AFF1: variants seen among roughly 807,000 people sequenced by gnomAD.
AFF1 encodes the protein AF4/FMR2 family member 1.
Under a neutral mutation model 121.7 loss-of-function variants are expected in AFF1, and 48 were observed. The ratio of observed to expected loss-of-function variants is 0.39; its 90% confidence interval spans 0.31 to 0.50. The LOEUF (loss-of-function observed/expected upper bound fraction) is 0.50, where lower values mean the gene tolerates loss of function less well. Ranked by LOEUF, AFF1 falls within the 20% of genes least tolerant of loss-of-function variation. The probability of loss-of-function intolerance (pLI) is 0.76; values close to 1 mark genes in which losing one functional copy is unlikely to be tolerated. For missense variants in AFF1, 1,523 were observed against 1,511.7 expected (o/e 1.01, Z -0.12); for synonymous variants, 613 against 563.0 (o/e 1.09, Z -1.26).
At chr4:87,040,475 G>A (rs1730020565) in intron 2 of AFF1, among the ~76,000 whole-genome samples, 1 of 152,100 alleles carries the variant, frequency 6.6e-6, no homozygotes, top group Non-Finnish European at 1.5e-5. Flanking sequence ...AGCTTTGCTA[G>A]CAGAACTGTG....
intron 4 of AFF1, chr4:87,047,827 G>T (rs58633957): frequency 0.28 from 182,865 of 643,118 alleles, 31,376 homozygotes; most frequent in African/African-American, 0.64. Flanking sequence ...ACCTTTTTAT[G>T]GAGCCAAAAT....
intron 11 of AFF1, among the ~76,000 whole-genome samples, chr4:87,109,991 A>T (rs770706932): frequency 1.4e-4 from 22 of 152,176 alleles, no homozygotes; most frequent in Admixed American, 3.3e-4. Flanking sequence ...ATTTAACTAC[A>T]TCTCTTTCCT....
At chr4:86,973,186 G>A (rs1195462604) in intron 2 of AFF1, among the ~76,000 whole-genome samples, 14 of 152,170 alleles carry the variant, frequency 9.2e-5, no homozygotes, top group Admixed American at 9.2e-4. Flanking sequence ...TTCACTTGGG[G>A]CCTGTTGATC....
At chr4:86,987,013 ATAT>A (rs889365680) in intron 2 of AFF1, among the ~76,000 whole-genome samples, 10 of 151,602 alleles carry the variant, frequency 6.6e-5, no homozygotes, top group Admixed American at 6.6e-4. Context: ...AGCTAATTTC[ATAT>A]TATTTTTTGT....
Position 87,002,817 on chromosome 4 carries a change from C to T in AFF1, c.39-43349C>T, listed in dbSNP as rs77014665. On this transcript the variant is annotated intron_variant, in intron 2 of 20. Coordinates refer to ENST00000395146, the MANE Select transcript of AFF1 (RefSeq NM_001166693.3). ...TTAACCTGAAATCTGCGGAGCCTCA[C>T]GTGCTTCCTAAGTGGGTTTCAGGGG... Among the ~76,000 whole-genome samples, 623 of 152,264 alleles carry T rather than the reference C, an allele frequency of 4.1e-3. 3 individuals are homozygous for T. The highest frequency in any genetic ancestry group is 0.014 in the African/African-American group (593 of 41,528).
At chr4:86,998,438 A>G (rs1725416419) in intron 2 of AFF1, among the ~76,000 whole-genome samples, 2 of 152,240 alleles carry the variant, frequency 1.3e-5, no homozygotes, top group Non-Finnish European at 2.9e-5. Context: ...CTACAAAAAC[A>G]GGTGTGTGTT....
chr4:86,984,164 CAG>C (rs1239882055), intron 2 of AFF1, among the ~76,000 whole-genome samples: 4 of 152,078 alleles, frequency 2.6e-5, no homozygotes, highest in African/African-American at 7.2e-5. Context: ...AGCATTTTGA[CAG>C]AAATTTGTAA....
chr4:87,073,758 G>T (rs970451940), intron 4 of AFF1, among the ~76,000 whole-genome samples: 1 of 152,096 alleles, frequency 6.6e-6, no homozygotes, highest in South Asian at 2.1e-4. Context: ...CTTATGCTCA[G>T]CTGTGAAAAA....
At chr4:87,006,956 G>A in intron 2 of AFF1, 1 of 1,033,320 alleles carries the variant, frequency 9.7e-7, no homozygotes, top group Non-Finnish European at 1.2e-6. Context: ...GGGGTATCCC[G>A]GCGGACTCGG....
rs988634203 is a variant in AFF1 at position 87,137,194 on chromosome 4, A to G, written c.*1493A>G. 8 of 227,492 alleles carry G rather than the reference A, an allele frequency of 3.5e-5. No homozygotes were observed. Among genetic ancestry groups the G allele is most frequent in the Non-Finnish European group, 7.0e-5 (8 of 114,238 alleles). The allele number at this position is 227,492 out of a possible 1,614,324, so 14.1% of individuals were successfully genotyped here. On this transcript the variant is annotated 3_prime_UTR_variant, in exon 21 of 21. Transcript: ENST00000395146. ...TAGAAGTAGAATTTGCACACTTACTACAATTGAGGAGTGTCATCTCTATAA... is the reference window on the plus strand; with the variant it reads ...TAGAAGTAGAATTTGCACACTTACTGCAATTGAGGAGTGTCATCTCTATAA...
chr4:86,993,692 TG>T (rs1349860050), intron 2 of AFF1, among the ~76,000 whole-genome samples: 1 of 152,178 alleles, frequency 6.6e-6, no homozygotes, highest in Non-Finnish European at 1.5e-5. Context: ...GGGCTGGGCA[TG>T]GTGGCTCATG....
chr4:87,086,874 A>G (rs987673711), intron 5 of AFF1, among the ~76,000 whole-genome samples: 1 of 152,238 alleles, frequency 6.6e-6, no homozygotes, highest in Non-Finnish European at 1.5e-5. Context: ...AAAATCAATC[A>G]TAGAAGATAA....
chr4:87,130,457 G>A lies in AFF1; in HGVS notation c.2965-626G>A, dbSNP rs1578320711. The stretch of plus-strand genomic sequence containing the variant: ...TTAGAAGCGTGCTGTGTGACAAAGT[G>A]TGTATTCAGGGTGTAGGGTGACCAC... On this transcript the variant is annotated intron_variant, in intron 16 of 20. Coordinates refer to ENST00000395146, the MANE Select transcript of AFF1 (RefSeq NM_001166693.3). Among the ~76,000 whole-genome samples the A allele has an allele frequency of 2.6e-5, 4 of 152,320 alleles. No homozygotes were observed. In the South Asian group the frequency reaches 8.3e-4, roughly 32 times the overall value.
At chr4:87,043,882 G>A (rs1274247696) in intron 2 of AFF1, among the ~76,000 whole-genome samples, 1 of 151,798 alleles carries the variant, frequency 6.6e-6, no homozygotes, top group African/African-American at 2.4e-5. Flanking sequence ...ACAGTGGTGC[G>A]ATCTCAGCTC....
At chr4:87,110,821 T>C (rs1159346496) in intron 11 of AFF1, among the ~76,000 whole-genome samples, 1 of 152,094 alleles carries the variant, frequency 6.6e-6, no homozygotes, top group African/African-American at 2.4e-5. Flanking sequence ...CTTTTTTTCC[T>C]ATTTCCAATT....
chr4:86,949,543 T>TTTTA, intron 2 of AFF1: 3 of 159,490 alleles, frequency 1.9e-5, no homozygotes, highest in Non-Finnish European at 3.4e-5. Context: ...TATTATTTTT[T>TTTTA]TTTTTTTTTT....
At chr4:87,058,772 A>G (rs1720419617) in intron 4 of AFF1, among the ~76,000 whole-genome samples, 1 of 152,168 alleles carries the variant, frequency 6.6e-6, no homozygotes, top group African/African-American at 2.4e-5. Flanking sequence ...CTGGAGACAG[A>G]AGTAGGTAAA....
intron 19 of AFF1, among the ~76,000 whole-genome samples, chr4:87,132,812 T>C (rs774286035): frequency 1.3e-5 from 2 of 152,218 alleles, no homozygotes; most frequent in Non-Finnish European, 2.9e-5. Flanking sequence ...TGCCTCAGCC[T>C]CCCGAGTAGC....
At chr4:87,053,887 A>G (rs1731500832) in intron 4 of AFF1, among the ~76,000 whole-genome samples, 1 of 152,250 alleles carries the variant, frequency 6.6e-6, no homozygotes, top group Non-Finnish European at 1.5e-5. Flanking sequence ...ACTTAGAACT[A>G]AGGAGCTGAG....
Sources: gnomAD v4.1 joint callset for allele counts (sites outside exome capture counted in the v4.1 genomes callset) on GRCh38, gnomAD v4.1.1 for gene constraint, MANE v1.5 for transcripts, NCBI Gene and HGNC (gene_info 2026-07-23, HGNC 2026-07-21) for gene names.